Variants in TMEM132D observed in about 807,000 individuals in gnomAD.
TMEM132D encodes transmembrane protein 132D, also known as mature OL transmembrane protein.
Under a neutral mutation model 62.3 loss-of-function variants are expected in TMEM132D, and 21 were observed. That is an observed-to-expected ratio of 0.34 (90% CI 0.24 to 0.49). TMEM132D has a LOEUF of 0.49. Among genes scored for constraint, TMEM132D ranks in the 20% least tolerant of loss-of-function variants. The pLI, the probability that TMEM132D is intolerant of heterozygous loss-of-function variation, is 0.99. For synonymous variants in TMEM132D, 621 were observed against 575.6 expected, an observed-to-expected ratio of 1.08 and a Z score of -1.13; for missense variants, 1,346 against 1,402.8, an observed-to-expected ratio of 0.96 and a Z score of 0.65.
chr12:129,842,169 C>T (rs1219482354), intron 1 of TMEM132D, among the ~76,000 whole-genome samples: 3 of 141,410 alleles, frequency 2.1e-5, no homozygotes, highest in African/African-American at 5.5e-5. Context: ...AGGATGGTCT[C>T]GATCTCCTGA....
At chr12:129,660,873 C>G (rs1880221675) in intron 2 of TMEM132D, among the ~76,000 whole-genome samples, 1 of 152,164 alleles carries the variant, frequency 6.6e-6, no homozygotes, top group Admixed American at 6.5e-5. Flanking sequence ...AATAGACACA[C>G]AGTGGTCAGA....
intron 1 of TMEM132D, among the ~76,000 whole-genome samples, chr12:129,845,435 C>T (rs1456621776): frequency 1.3e-5 from 2 of 152,272 alleles, no homozygotes; most frequent in African/African-American, 2.4e-5. Context: ...CATTCACAAC[C>T]TTTTTGGGAA....
At chr12:129,151,376 A>G (rs1399864664) in intron 5 of TMEM132D, among the ~76,000 whole-genome samples, 2 of 152,196 alleles carry the variant, frequency 1.3e-5, no homozygotes, top group Non-Finnish European at 2.9e-5. Context: ...ATTCTGGGTT[A>G]GATACCCAGT....
intron 1 of TMEM132D, among the ~76,000 whole-genome samples, chr12:129,781,073 A>G (rs1390761706): frequency 6.6e-6 from 1 of 152,218 alleles, no homozygotes; most frequent in African/African-American, 2.4e-5. Flanking sequence ...AATGACAAGG[A>G]GTTATGCCAT....
intron 2 of TMEM132D, among the ~76,000 whole-genome samples, chr12:129,688,793 A>T (rs1880992239): frequency 6.6e-6 from 1 of 152,112 alleles, no homozygotes; most frequent in Non-Finnish European, 1.5e-5. Flanking sequence ...ACTAAATGAT[A>T]TGTGCAATTT....
intron 3 of TMEM132D, among the ~76,000 whole-genome samples, chr12:129,379,940 T>C (rs1870891155): frequency 6.6e-6 from 1 of 152,232 alleles, no homozygotes; most frequent in Non-Finnish European, 1.5e-5. Flanking sequence ...GGAAATGCCA[T>C]AAGCAATTAA....
chr12:129,095,730 G>T (rs1161401245), intron 5 of TMEM132D, among the ~76,000 whole-genome samples: 7 of 152,120 alleles, frequency 4.6e-5, no homozygotes, highest in Admixed American at 4.6e-4. Flanking sequence ...CAGGGGAACG[G>T]TCATGGGAGA....
intron 1 of TMEM132D, among the ~76,000 whole-genome samples, chr12:129,877,186 A>G (rs896154041): frequency 6.0e-5 from 9 of 149,160 alleles, no homozygotes; most frequent in African/African-American, 2.2e-4. Flanking sequence ...TAATTATGTA[A>G]TATTATAGTA....
intron 1 of TMEM132D, among the ~76,000 whole-genome samples, chr12:129,812,373 G>GT (rs1445836514): frequency 6.6e-6 from 1 of 151,674 alleles, no homozygotes; most frequent in Non-Finnish European, 1.5e-5. Flanking sequence ...GCCAGGATGG[G>GT]TTATCTCGTG....
chr12:129,138,675 C>T (rs528328297), intron 5 of TMEM132D, among the ~76,000 whole-genome samples: 24 of 152,226 alleles, frequency 1.6e-4, no homozygotes, highest in Admixed American at 6.5e-4. Context: ...GAGCCAAGAT[C>T]ATGCCACTGC....
intron 2 of TMEM132D, among the ~76,000 whole-genome samples, chr12:129,545,514 A>T (rs183811339): frequency 6.6e-6 from 1 of 152,280 alleles, no homozygotes; most frequent in Non-Finnish European, 1.5e-5. Flanking sequence ...TTAGGTGCAC[A>T]GTAGAGTATT....
intron 4 of TMEM132D, among the ~76,000 whole-genome samples, chr12:129,281,816 G>A (rs980540949): frequency 7.2e-5 from 11 of 152,082 alleles, no homozygotes; most frequent in African/African-American, 2.7e-4. Flanking sequence ...GGTATTACCT[G>A]GGAGGTTATG....
chr12:129,777,492 T>C (rs1229054998), intron 1 of TMEM132D, among the ~76,000 whole-genome samples: 1 of 152,204 alleles, frequency 6.6e-6, no homozygotes, highest in Admixed American at 6.5e-5. Flanking sequence ...CCACCCAGCC[T>C]ACTTCATCCT....
chr12:129,430,794 A>C (rs2135715965), intron 3 of TMEM132D, among the ~76,000 whole-genome samples: 1 of 152,316 alleles, frequency 6.6e-6, no homozygotes, highest in Admixed American at 6.5e-5. Context: ...CAATAATTGC[A>C]GTCGATGGGA....
At chr12:129,263,243 T>A (rs2135596394) in intron 4 of TMEM132D, among the ~76,000 whole-genome samples, 1 of 152,284 alleles carries the variant, frequency 6.6e-6, no homozygotes, top group African/African-American at 2.4e-5. Context: ...TCTGCTTTGT[T>A]GTGTCCTGAT....
intron 2 of TMEM132D, among the ~76,000 whole-genome samples, chr12:129,547,420 G>A (rs1029043269): frequency 6.6e-6 from 1 of 152,084 alleles, no homozygotes; most frequent in African/African-American, 2.4e-5. Flanking sequence ...CTTTCTCAAA[G>A]GAATACTGGA....
At chr12:129,101,995 TTTTTC>T (rs1210743980) in intron 5 of TMEM132D, among the ~76,000 whole-genome samples, 1 of 140,846 alleles carries the variant, frequency 7.1e-6, no homozygotes, top group African/African-American at 3.2e-5. Flanking sequence ...TTTTTTTTTT[TTTTTC>T]TCTCTCTCTC....
intron 1 of TMEM132D, among the ~76,000 whole-genome samples, chr12:129,767,191 T>C (rs987706705): frequency 2.6e-5 from 4 of 152,240 alleles, no homozygotes; most frequent in Non-Finnish European, 1.5e-5. Context: ...GTTCTTTTTC[T>C]GAAAAGCATA....
chr12:129,267,861 G>T (rs527899989), intron 4 of TMEM132D, among the ~76,000 whole-genome samples: 156 of 152,260 alleles, frequency 1.0e-3, no homozygotes, highest in African/African-American at 3.6e-3. Context: ...ACAGAACAGA[G>T]CCCTCAGAAA....
Sources: gnomAD v4.1 joint callset for allele counts (sites outside exome capture counted in the v4.1 genomes callset) on GRCh38, gnomAD v4.1.1 for gene constraint, MANE v1.5 for transcripts, NCBI Gene and HGNC (gene_info 2026-07-23, HGNC 2026-07-21) for gene names.